CADM2: variants seen among roughly 807,000 people sequenced by gnomAD.
The protein encoded by CADM2 is cell adhesion molecule 2.
A neutral mutation model predicts 49.8 loss-of-function variants in CADM2; 12 were observed. The ratio of observed to expected loss-of-function variants is 0.24; its 90% CI spans 0.15 to 0.39. The LOEUF (loss-of-function observed/expected upper bound fraction) is 0.39. Ranked by LOEUF, CADM2 falls within the 10% of genes least tolerant of loss-of-function variation. The probability of loss-of-function intolerance (pLI) is 1.00; values close to 1 mark genes in which losing one functional copy is unlikely to be tolerated. For synonymous variants in CADM2, 214 were observed against 175.4 expected (o/e 1.22, Z -1.74); for missense variants, 378 against 492.3 (o/e 0.77, Z 2.20).
At chr3:85,247,954 ATTATTAAAT>A (rs1396178200) in intron 1 of CADM2, among the ~76,000 whole-genome samples, 1 of 152,164 alleles carries the variant, frequency 6.6e-6, no homozygotes, top group East Asian at 1.9e-4. Context: ...ATTCATTAGA[ATTATTAAAT>A]TCAACCAAAA....
intron 1 of CADM2, among the ~76,000 whole-genome samples, chr3:85,005,491 A>G (rs558523130): frequency 2.0e-5 from 3 of 152,112 alleles, no homozygotes; most frequent in South Asian, 4.1e-4. Context: ...TTTATTTTGT[A>G]TTATTATTTT....
At chr3:85,673,406 A>C (rs1175606922) in intron 1 of CADM2, among the ~76,000 whole-genome samples, 1 of 151,828 alleles carries the variant, frequency 6.6e-6, no homozygotes, top group Non-Finnish European at 1.5e-5. Context: ...TTTCAAGCTT[A>C]TGTGAGTGTT....
intron 1 of CADM2, among the ~76,000 whole-genome samples, chr3:85,388,863 A>G (rs1049884469): frequency 7.9e-5 from 12 of 152,130 alleles, no homozygotes; most frequent in Admixed American, 7.9e-4. Flanking sequence ...CCCTGTACAC[A>G]TTATGATATC....
At chr3:85,514,419 G>A (rs1338713730) in intron 1 of CADM2, among the ~76,000 whole-genome samples, 1 of 152,016 alleles carries the variant, frequency 6.6e-6, no homozygotes, top group Non-Finnish European at 1.5e-5. Flanking sequence ...TCATCCTGAG[G>A]ATTAGAGAAT....
intron 1 of CADM2, among the ~76,000 whole-genome samples, chr3:85,050,915 G>T (rs2035856529): frequency 6.6e-6 from 1 of 152,126 alleles, no homozygotes; most frequent in Admixed American, 6.6e-5. Context: ...GATGACCAAG[G>T]TTGCAGGGAT....
intron 1 of CADM2, among the ~76,000 whole-genome samples, chr3:85,311,540 AT>A (rs2044344674): frequency 6.6e-6 from 1 of 151,520 alleles, no homozygotes; most frequent in African/African-American, 2.4e-5. Context: ...ACCCCGGCTA[AT>A]TTTTTGTATT....
intron 1 of CADM2, among the ~76,000 whole-genome samples, chr3:85,344,844 A>G (rs2030406057): frequency 6.6e-6 from 1 of 152,140 alleles, no homozygotes; most frequent in South Asian, 2.1e-4. Context: ...TCTTTCAGAT[A>G]AGAAAGCCAT....
intron 1 of CADM2, among the ~76,000 whole-genome samples, chr3:85,572,349 A>C (rs2062503988): frequency 2.0e-5 from 3 of 152,172 alleles, no homozygotes; most frequent in Admixed American, 2.0e-4. Context: ...TTTATGTAAA[A>C]ATATATGAGG....
chr3:85,799,931 C>T (rs535709955), intron 2 of CADM2: 1 of 152,492 alleles, frequency 6.6e-6, no homozygotes, highest in East Asian at 1.9e-4. Context: ...AGATCAGCTG[C>T]TATCTTCAGA....
At chr3:85,632,384 G>A (rs1245915055) in intron 1 of CADM2, among the ~76,000 whole-genome samples, 1 of 152,048 alleles carries the variant, frequency 6.6e-6, no homozygotes, top group Non-Finnish European at 1.5e-5. Context: ...TATCAGCAGT[G>A]TGAAAACAGA....
intron 8 of CADM2, among the ~76,000 whole-genome samples, chr3:86,040,971 C>T (rs1387398491): frequency 6.6e-6 from 1 of 152,082 alleles, no homozygotes; most frequent in Admixed American, 6.6e-5. Flanking sequence ...ATTTCATATC[C>T]AGCCAAACTA....
chr3:85,268,830 G>A (rs1468655449), intron 1 of CADM2, among the ~76,000 whole-genome samples: 6 of 150,986 alleles, frequency 4.0e-5, no homozygotes, highest in Non-Finnish European at 7.4e-5. Context: ...TCTATAAGGG[G>A]AACTATTAAG....
chr3:85,981,290 A>G (rs1365806314), intron 8 of CADM2, among the ~76,000 whole-genome samples: 1 of 151,560 alleles, frequency 6.6e-6, no homozygotes, highest in Non-Finnish European at 1.5e-5. Context: ...AAGTGAAACT[A>G]ACAACATTCT....
chr3:85,476,809 G>C (rs1376711028), intron 1 of CADM2, among the ~76,000 whole-genome samples: 1 of 151,542 alleles, frequency 6.6e-6, no homozygotes, highest in Non-Finnish European at 1.5e-5. Context: ...TTTTATCTAT[G>C]TGTCATTAAT....
chr3:85,088,524 A>C (rs925379641), intron 1 of CADM2, among the ~76,000 whole-genome samples: 14 of 152,130 alleles, frequency 9.2e-5, no homozygotes, highest in Non-Finnish European at 1.2e-4. Context: ...ATATAAGATA[A>C]TATCCTCAGA....
At chr3:85,199,766 C>T (rs2041446506) in intron 1 of CADM2, among the ~76,000 whole-genome samples, 1 of 151,802 alleles carries the variant, frequency 6.6e-6, no homozygotes, top group Non-Finnish European at 1.5e-5. Context: ...GTGGGGAAAA[C>T]AAACCTGTAG....
At position 86,074,038 on chromosome 3, in the gene CADM2, T is replaced by A. The variant is rs1703417155; in HGVS notation, c.*7255T>A. ...AAATTTGCTTGAGAATGCCAAAATT[T>A]TAAAACTCTGTAAAGGTAATTTTAC... On this transcript the variant is annotated 3_prime_UTR_variant, in exon 10 of 10. Coordinates refer to ENST00000383699, the MANE Select transcript of CADM2 (RefSeq NM_001167675.2). 6.6e-6 allele frequency: 1 copy of A among 152,020 alleles called. No homozygotes were observed. Among genetic ancestry groups the A allele is most frequent in the Admixed American group, 6.6e-5 (1 of 15,250 alleles). 9.4% of individuals were successfully genotyped at this position (152,020 alleles called of 1,614,324 possible).
At chr3:85,411,163 T>C (rs1244434857) in intron 1 of CADM2, among the ~76,000 whole-genome samples, 1 of 152,178 alleles carries the variant, frequency 6.6e-6, no homozygotes, top group Non-Finnish European at 1.5e-5. Context: ...ACTGATCTAT[T>C]GTGTGGTGGC....
intron 1 of CADM2, among the ~76,000 whole-genome samples, chr3:85,051,721 T>C (rs1301010543): frequency 1.3e-5 from 2 of 152,190 alleles, no homozygotes; most frequent in African/African-American, 4.8e-5. Flanking sequence ...TATCTCTCCA[T>C]GAGGCAAATT....
Sources: gnomAD v4.1 joint callset for allele counts (sites outside exome capture counted in the v4.1 genomes callset) on GRCh38, gnomAD v4.1.1 for gene constraint, MANE v1.5 for transcripts, NCBI Gene and HGNC (gene_info 2026-07-23, HGNC 2026-07-21) for gene names.